NKAIN2: variants seen among roughly 807,000 people sequenced by gnomAD.
The protein encoded by NKAIN2 is sodium/potassium transporting ATPase interacting 2, also known as sodium/potassium-transporting ATPase subunit beta-1-interacting protein 2.
In NKAIN2, 14 loss-of-function variants were observed where a neutral mutation model predicts 32.6. The ratio of observed to expected loss-of-function variants is 0.43; its 90% confidence interval spans 0.28 to 0.67. NKAIN2 has a LOEUF of 0.67. Among genes scored for constraint, NKAIN2 ranks in the 30% least tolerant of loss-of-function variants. The pLI, the probability that NKAIN2 is intolerant of heterozygous loss-of-function variation, is 0.17. For missense variants in NKAIN2, 198 were observed against 258.3 expected, an observed-to-expected ratio of 0.77 and a Z score of 1.60; for synonymous variants, 80 against 87.2, an observed-to-expected ratio of 0.92 and a Z score of 0.46.
intron 1 of NKAIN2, among the ~76,000 whole-genome samples, chr6:124,241,522 A>G (rs1793093088): frequency 6.6e-6 from 1 of 152,214 alleles, no homozygotes; most frequent in Non-Finnish European, 1.5e-5. Context: ...CCAAAACAGC[A>G]TGCTACTGGT....
intron 1 of NKAIN2, among the ~76,000 whole-genome samples, chr6:124,076,886 T>A (rs1783719528): frequency 1.3e-5 from 2 of 152,200 alleles, no homozygotes; most frequent in African/African-American, 4.8e-5. Context: ...TGCCTGGTTT[T>A]CTCCATTGTA....
intron 1 of NKAIN2, among the ~76,000 whole-genome samples, chr6:124,167,477 G>T (rs970268666): frequency 2.6e-5 from 4 of 152,148 alleles, no homozygotes; most frequent in African/African-American, 9.7e-5. Context: ...GGGACAATTT[G>T]ACTTCCTCTT....
chr6:124,011,420 G>T (rs1780319797), intron 1 of NKAIN2, among the ~76,000 whole-genome samples: 1 of 150,084 alleles, frequency 6.7e-6, no homozygotes, highest in African/African-American at 2.5e-5. Flanking sequence ...TTTAGCCTGA[G>T]ACGCATTTCC....
At chr6:124,312,672 T>A (rs1331970097) in intron 2 of NKAIN2, among the ~76,000 whole-genome samples, 1 of 152,186 alleles carries the variant, frequency 6.6e-6, no homozygotes, top group East Asian at 1.9e-4. Flanking sequence ...TCCTCTTCGG[T>A]CTTTTATGGA....
In NKAIN2 at chr6:123,905,335, G is replaced by A. The variant is rs76463277; in HGVS notation, c.54+101081G>A. Among the ~76,000 whole-genome samples the A allele has an allele frequency of 5.9e-5, 9 of 152,196 alleles. No individual in the cohort carries two copies. In the East Asian group the frequency reaches 1.7e-3, roughly 29 times the overall value. On this transcript the variant is annotated intron_variant, in intron 1 of 6. Coordinates refer to ENST00000368417, the MANE Select transcript of NKAIN2 (RefSeq NM_001040214.3). ...TTAGTGGGTTTGCATCACAGCTGAG[G>A]AATCCTAAGTTTAGGAATCCTGAAT...
At chr6:123,929,918 G>A (rs990599258) in intron 1 of NKAIN2, among the ~76,000 whole-genome samples, 2 of 152,006 alleles carry the variant, frequency 1.3e-5, no homozygotes, top group Admixed American at 6.6e-5. Flanking sequence ...TCAGATTTTG[G>A]AGCATTTTGG....
intron 5 of NKAIN2, among the ~76,000 whole-genome samples, chr6:124,799,293 C>G (rs542576587): frequency 7.9e-5 from 12 of 152,202 alleles, no homozygotes; most frequent in Non-Finnish European, 1.6e-4. Flanking sequence ...GTTTTTCAGC[C>G]TTCTATTAAA....
At position 124,713,262 on chromosome 6, in the gene NKAIN2, G is replaced by A. The variant is rs372986862; in HGVS notation, c.474+54876G>A. ...ACCTGGTCATAGCTATCAAGTAGAGGAGCAAATATTCGAATCCATAAAATA... is the reference window on the plus strand; with the variant it reads ...ACCTGGTCATAGCTATCAAGTAGAGAAGCAAATATTCGAATCCATAAAATA... On this transcript the variant is annotated intron_variant, in intron 4 of 6. Transcript: ENST00000368417. Among the ~76,000 whole-genome samples the A allele has an allele frequency of 3.4e-4, 52 of 152,136 alleles. 1 individual carries two copies. In the East Asian group the frequency reaches 0.01, roughly 29 times the overall value.
intron 1 of NKAIN2, among the ~76,000 whole-genome samples, chr6:124,063,910 T>G (rs540112602): frequency 1.3e-5 from 2 of 152,216 alleles, no homozygotes; most frequent in South Asian, 4.1e-4. Flanking sequence ...ATATGTGTAG[T>G]TATTTATACT....
chr6:124,753,824 A>G (rs768749423), intron 4 of NKAIN2, among the ~76,000 whole-genome samples: 2 of 152,064 alleles, frequency 1.3e-5, no homozygotes, highest in Admixed American at 6.6e-5. Flanking sequence ...AGAAAAATTC[A>G]TGATGTCTAT....
chr6:124,711,505 T>G (rs9491216), intron 4 of NKAIN2, among the ~76,000 whole-genome samples: 72,989 of 149,282 alleles, frequency 0.49, 18,264 homozygotes, highest in African/African-American at 0.57. Context: ...TGTCTTGGAG[T>G]CTTCTCTCAT....
At chr6:124,798,319 C>T (rs1780103550) in intron 5 of NKAIN2, among the ~76,000 whole-genome samples, 1 of 152,156 alleles carries the variant, frequency 6.6e-6, no homozygotes, top group African/African-American at 2.4e-5. Context: ...TGGCATCATA[C>T]TGAAGCAATC....
chr6:124,545,775 T>C (rs1460762979), intron 3 of NKAIN2, among the ~76,000 whole-genome samples: 1 of 152,064 alleles, frequency 6.6e-6, no homozygotes, highest in African/African-American at 2.4e-5. Flanking sequence ...TACTAAATGA[T>C]GGTAATATAA....
At chr6:124,717,245 TTAAG>T (rs1193695907) in intron 4 of NKAIN2, among the ~76,000 whole-genome samples, 3 of 152,230 alleles carry the variant, frequency 2.0e-5, no homozygotes, top group Non-Finnish European at 4.4e-5. Flanking sequence ...TGTAGCACTA[TTAAG>T]TGTTAATTAC....
At chr6:124,356,643 A>G (rs1398463125) in intron 3 of NKAIN2, among the ~76,000 whole-genome samples, 1 of 152,102 alleles carries the variant, frequency 6.6e-6, no homozygotes, top group African/African-American at 2.4e-5. Flanking sequence ...GCCGTGACCA[A>G]TGAAAATAAA....
intron 1 of NKAIN2, among the ~76,000 whole-genome samples, chr6:123,846,853 C>CAT (rs1463069221): frequency 1.3e-5 from 2 of 151,684 alleles, no homozygotes; most frequent in Non-Finnish European, 2.9e-5. Context: ...CGCACACACA[C>CAT]ACACACACAT....
intron 3 of NKAIN2, among the ~76,000 whole-genome samples, chr6:124,625,258 A>C (rs1245204898): frequency 2.0e-5 from 3 of 147,680 alleles, no homozygotes; most frequent in African/African-American, 4.9e-5. Context: ...TTTTCTCTAC[A>C]AAAAAAACAA....
intron 4 of NKAIN2, among the ~76,000 whole-genome samples, chr6:124,749,621 G>T (rs1562361936): frequency 6.6e-6 from 1 of 151,832 alleles, no homozygotes; most frequent in East Asian, 2.0e-4. Context: ...AAAGGACTTT[G>T]TACTTTGTTT....
At chr6:124,050,335 G>C (rs1214739337) in intron 1 of NKAIN2, among the ~76,000 whole-genome samples, 1 of 152,000 alleles carries the variant, frequency 6.6e-6, no homozygotes, top group Non-Finnish European at 1.5e-5. Flanking sequence ...TCAAAGCGTT[G>C]GAGGTGGTAT....
Sources: gnomAD v4.1 joint callset for allele counts (sites outside exome capture counted in the v4.1 genomes callset) on GRCh38, gnomAD v4.1.1 for gene constraint, MANE v1.5 for transcripts, NCBI Gene and HGNC (gene_info 2026-07-23, HGNC 2026-07-21) for gene names.